The following SYN3 variants were observed in gnomAD, a reference collection of about 807,000 sequenced individuals.
SYN3 encodes the protein synapsin-3.
A neutral mutation model predicts 65.8 loss-of-function variants in SYN3; 35 were observed. That is an observed-to-expected ratio of 0.53 (90% CI 0.41 to 0.70). SYN3 has a LOEUF of 0.70. Ranked by LOEUF, SYN3 falls within the 30% of genes least tolerant of loss-of-function variation. The pLI, the probability that SYN3 is intolerant of heterozygous loss-of-function variation, is 0.00. For missense variants in SYN3, 680 were observed against 749.0 expected (o/e 0.91, Z 1.08); for synonymous variants, 270 against 292.9 (o/e 0.92, Z 0.80).
chr22:32,530,773 G>A (rs997907371), intron 10 of SYN3, among the ~76,000 whole-genome samples: 3 of 151,968 alleles, frequency 2.0e-5, no homozygotes, highest in Non-Finnish European at 2.9e-5. Context: ...GGGAGGCCGG[G>A]GCGGGCGGAT....
Position 32,619,847 on chromosome 22 carries a change from T to C in SYN3, c.712-23111A>G, listed in dbSNP as rs1756165139. Among the ~76,000 whole-genome samples, 3 of 152,232 alleles carry C rather than the reference T, an allele frequency of 2.0e-5. No homozygotes were observed. The South Asian group carries it at 6.2e-4, about 32-fold the overall frequency. Reference sequence around the variant, plus strand: ...CTCTCTCTGGGACCCCGTAATCATTTTGTGAACTAGCCTGGGTTAGTTGGC... The same window carrying C: ...CTCTCTCTGGGACCCCGTAATCATTCTGTGAACTAGCCTGGGTTAGTTGGC... On this transcript the variant is annotated intron_variant, in intron 6 of 13. Coordinates refer to ENST00000358763, the MANE Select transcript of SYN3 (RefSeq NM_003490.4).
chr22:32,621,297 C>CTTTT lies in SYN3; in HGVS notation c.712-24565_712-24562dup, dbSNP rs58499520. 5.1e-3 allele frequency among the ~76,000 whole-genome samples: 718 copies of CTTTT among 140,956 alleles called. 7 individuals carry two copies. Among genetic ancestry groups the CTTTT allele is most frequent in the African/African-American group, 0.017 (663 of 38,848 alleles). 92.5% of individuals were successfully genotyped at this position (140,956 alleles called of 152,430 possible). On this transcript the variant is annotated intron_variant, in intron 6 of 13. Transcript: ENST00000358763. ...TAAAGCTGGTCCTGGTAACTTTTGC[C>CTTTT]TTTTTTTTTTTTTTTTCCATTTTAG...
rs2146034920 is a variant in SYN3 at position 32,511,778 on chromosome 22, T to C, written c.*1914A>G. On this transcript the variant is annotated 3_prime_UTR_variant, in exon 14 of 14. Transcript: ENST00000358763. ...CAATAGTCACTGGCAATTGGACCTA[T>C]CTGATCTTTCTTATGTCAGGTCTGC... Among the ~76,000 whole-genome samples, 1 of 152,336 alleles carries C rather than the reference T, an allele frequency of 6.6e-6. No homozygotes were observed. Among genetic ancestry groups the C allele is most frequent in the South Asian group, 2.1e-4 (1 of 4,828 alleles).
intron 6 of SYN3, among the ~76,000 whole-genome samples, chr22:32,780,934 T>TTCCTTCCTTCC (rs1477484298): frequency 1.8e-4 from 15 of 82,678 alleles, no homozygotes; most frequent in Admixed American, 3.9e-4. Flanking sequence ...CCTTCCTTCC[T>TTCCTTCCTTCC]TTCCTTCCTT....
chr22:33,015,288 A>C, intron 1 of SYN3: 1 of 592,842 alleles, frequency 1.7e-6, no homozygotes, highest in South Asian at 1.9e-5. Flanking sequence ...AGACTATTTT[A>C]AACGGCGTTT....
intron 2 of SYN3, among the ~76,000 whole-genome samples, chr22:32,984,536 C>A (rs1428160971): frequency 1.3e-5 from 2 of 152,046 alleles, no homozygotes; most frequent in African/African-American, 4.8e-5. Context: ...TATATAGGCT[C>A]TGAAGTTGGG....
chr22:32,684,418 CA>C (rs1169412829), intron 6 of SYN3, among the ~76,000 whole-genome samples: 1 of 152,188 alleles, frequency 6.6e-6, no homozygotes, highest in Non-Finnish European at 1.5e-5. Flanking sequence ...GAAACAAAAA[CA>C]ATGACTTTCC....
chr22:32,533,952 G>A (rs961400258), intron 9 of SYN3, 57 bp from the exon 10 acceptor site: 42 of 1,240,476 alleles, frequency 3.4e-5, no homozygotes, highest in Non-Finnish European at 4.9e-5. Flanking sequence ...GAAGCGGGTA[G>A]AGGGAGAGAA....
chr22:32,841,656 G>A (rs1031067034), intron 6 of SYN3, among the ~76,000 whole-genome samples: 3 of 146,368 alleles, frequency 2.0e-5, no homozygotes, highest in African/African-American at 7.7e-5. Flanking sequence ...TCATCAGGGA[G>A]GGGAACAACA....
At chr22:32,660,412 G>A (rs984988393) in intron 6 of SYN3, among the ~76,000 whole-genome samples, 2 of 152,174 alleles carry the variant, frequency 1.3e-5, no homozygotes, top group Admixed American at 6.5e-5. Context: ...ACGGCTCCGT[G>A]TGCCCACCAG....
At chr22:32,930,233 A>G (rs2146688884) in intron 4 of SYN3, among the ~76,000 whole-genome samples, 1 of 152,286 alleles carries the variant, frequency 6.6e-6, no homozygotes, top group East Asian at 1.9e-4. Context: ...AGGTAATTGA[A>G]TCATGGGGGC....
chr22:32,583,883 T>C (rs141171001), intron 7 of SYN3: 1 of 152,340 alleles, frequency 6.6e-6, no homozygotes, highest in East Asian at 1.9e-4. Flanking sequence ...ATAGCTACGA[T>C]CAGTGACCAT....
intron 4 of SYN3, among the ~76,000 whole-genome samples, chr22:32,869,330 T>TTCTCTCTC (rs59752570): frequency 0.03 from 3,612 of 120,834 alleles, 94 homozygotes; most frequent in South Asian, 0.08. Context: ...ACTATATATA[T>TTCTCTCTC]TCTCTCTCTC....
At chr22:32,545,395 T>C (rs1017961296) in intron 7 of SYN3, among the ~76,000 whole-genome samples, 4 of 152,134 alleles carry the variant, frequency 2.6e-5, no homozygotes, top group Non-Finnish European at 4.4e-5. Context: ...TTTCACAGAG[T>C]AGACAAAGAG....
chr22:32,750,028 T>C (rs1326097018), intron 6 of SYN3, among the ~76,000 whole-genome samples: 1 of 152,188 alleles, frequency 6.6e-6, no homozygotes, highest in Non-Finnish European at 1.5e-5. Context: ...TCAAGAGTGG[T>C]ATCTTTTACA....
intron 4 of SYN3, among the ~76,000 whole-genome samples, chr22:32,873,684 G>C (rs12158922): frequency 6.6e-6 from 1 of 152,214 alleles, no homozygotes; most frequent in African/African-American, 2.4e-5. Context: ...TTGTATCTGA[G>C]CTCTGAAAGA....
chr22:32,582,973 T>C (rs2710356), intron 7 of SYN3, among the ~76,000 whole-genome samples: 63,287 of 152,012 alleles, frequency 0.42, 14,208 homozygotes, highest in African/African-American at 0.61. Context: ...CTGAGCAGCA[T>C]TCACTGGCCC....
In SYN3 at chr22:32,903,841, A is replaced by T. The variant is rs527988092; in HGVS notation, c.461+27549T>A. Among the ~76,000 whole-genome samples the T allele has an allele frequency of 2.6e-5, 4 of 152,358 alleles. No individual in the cohort carries two copies. In the East Asian group the frequency reaches 7.7e-4, roughly 29 times the overall value. ...TGTGTGTGTGAACCAAATGCCAGCT[A>T]GCTGGAGCAAAGCATGCATTCAGGA... is the stretch of plus-strand genomic sequence containing the variant. On this transcript the variant is annotated intron_variant, in intron 4 of 13. Coordinates refer to ENST00000358763, the MANE Select transcript of SYN3 (RefSeq NM_003490.4).
chr22:32,844,168 G>A (rs796603601), intron 6 of SYN3, among the ~76,000 whole-genome samples: 17 of 152,260 alleles, frequency 1.1e-4, no homozygotes, highest in African/African-American at 4.1e-4. Context: ...ATTAGGTCGG[G>A]GAAGAAGGGT....
Sources: gnomAD v4.1 joint callset for allele counts (sites outside exome capture counted in the v4.1 genomes callset) on GRCh38, gnomAD v4.1.1 for gene constraint, MANE v1.5 for transcripts, NCBI Gene and HGNC (gene_info 2026-07-23, HGNC 2026-07-21) for gene names.